Variants in MMP25 observed in about 807,000 individuals in gnomAD.
MMP25 encodes the protein matrix metallopeptidase 25, also known as matrix metalloproteinase-25.
In MMP25, 68 loss-of-function variants were observed where a neutral mutation model predicts 62.1. The ratio of observed to expected loss-of-function variants is 1.10; its 90% confidence interval spans 0.90 to 1.34. The LOEUF is 1.34. Ranked by LOEUF, MMP25 falls within the 40% of genes most tolerant of loss-of-function variation. The pLI is 0.00. For missense variants in MMP25, 942 were observed against 792.5 expected, an observed-to-expected ratio of 1.19 and a Z score of -2.26; for synonymous variants, 407 against 345.6, an observed-to-expected ratio of 1.18 and a Z score of -1.97.
At chr16:3,055,527 C>T (rs1238301741) in intron 4 of MMP25, among the ~76,000 whole-genome samples, 1 of 152,194 alleles carries the variant, frequency 6.6e-6, no homozygotes, top group Non-Finnish European at 1.5e-5. Flanking sequence ...TGGCCATCTA[C>T]CTTGAAGTCT....
In MMP25 at chr16:3,059,101, G is replaced by C; in HGVS notation, c.*3G>C. The stretch of plus-strand genomic sequence containing the variant: ...TGGGGGGTGTAGCCTCCCGCTGATG[G>C]GGGGAGCCATCCAGACCGAACAGCG... On this transcript the variant is annotated 3_prime_UTR_variant, in exon 10 of 10. Coordinates refer to ENST00000336577, the MANE Select transcript of MMP25 (RefSeq NM_022468.5). 2 of 1,538,352 alleles carry C rather than the reference G, an allele frequency of 1.3e-6. No individual in the cohort carries two copies. The highest frequency in any genetic ancestry group is 1.8e-6 in the Non-Finnish European group (2 of 1,139,532).
chr16:3,047,263 C>A, intron 1 of MMP25, 152 bp from the exon 2 acceptor site: 4 of 1,208,804 alleles, frequency 3.3e-6, no homozygotes, highest in Non-Finnish European at 4.5e-6. Context: ...GGGACTGAAG[C>A]GGGGACCTAT....
chr16:3,046,749 G>C lies in MMP25; in HGVS notation c.-169G>C, dbSNP rs961179104. 7 of 431,640 alleles carry C rather than the reference G, an allele frequency of 1.6e-5. No individual in the cohort carries two copies. The highest frequency in any genetic ancestry group is 2.8e-5 in the Non-Finnish European group (7 of 246,130). 26.7% of individuals were successfully genotyped at this position (431,640 alleles called of 1,614,324 possible). A position where few individuals can be genotyped will look rare whatever the true frequency, so the allele number is the denominator to read the frequency against. The stretch of plus-strand genomic sequence containing the variant: ...CGGGACCCTCCGCTGACTCCACCGC[G>C]CACTTCCCGGGACCCCCACACACAT... On this transcript the variant is annotated 5_prime_UTR_variant, in exon 1 of 10. Transcript: ENST00000336577.
At chr16:3,048,094 C>G (rs1368446209) in intron 2 of MMP25, among the ~76,000 whole-genome samples, 2 of 152,188 alleles carry the variant, frequency 1.3e-5, no homozygotes, top group African/African-American at 2.4e-5. Context: ...CGGCCTTGGC[C>G]TCCCAAAGTC....
At chr16:3,047,672 A>C in intron 2 of MMP25, 125 bp downstream of exon 2, 2 of 1,057,932 alleles carry the variant, frequency 1.9e-6, no homozygotes, top group Non-Finnish European at 2.7e-6. Context: ...CAGGCCCCAA[A>C]CCCAGAGGGC....
chr16:3,047,684 T>A, intron 2 of MMP25, 137 bp downstream of exon 2: 1 of 929,742 alleles, frequency 1.1e-6, no homozygotes. Flanking sequence ...CCAGAGGGCC[T>A]CAGGCGTTCA....
chr16:3,054,627 T>G (rs1955969879), intron 4 of MMP25: 1 of 140,212 alleles, frequency 7.1e-6, no homozygotes, highest in South Asian at 2.0e-4. Context: ...CAGGGATGAA[T>G]GGACAGATGC....
intron 7 of MMP25, chr16:3,057,946 T>C: frequency 5.1e-6 from 3 of 582,730 alleles, no homozygotes; most frequent in Non-Finnish European, 9.0e-6. Flanking sequence ...CAGGTGATTC[T>C]CCGGTGTCAG....
rs754076707 is a variant in MMP25 at position 3,057,297 on chromosome 16, T to C, written c.839-13T>C. 6.2e-7 allele frequency: 1 copy of C among 1,613,994 alleles called. No individual in the cohort carries two copies. The highest frequency in any genetic ancestry group is 8.5e-7 in the Non-Finnish European group (1 of 1,179,916). ...GCCAGGGGACGCACACCTGCCTGAC[T>C]CTTTCCTCACAGGGAAGGCGCCCCA... On this transcript the variant is annotated splice_polypyrimidine_tract_variant and intron_variant, in intron 5 of 9. Transcript: ENST00000336577.
At chr16:3,057,660 T>C in intron 7 of MMP25, 47 bp downstream of exon 7, 2 of 1,545,608 alleles carry the variant, frequency 1.3e-6, no homozygotes, top group Non-Finnish European at 1.8e-6. Flanking sequence ...CCTGCCCACT[T>C]CCAGTGACCC....
rs1265981319 is a variant in MMP25 at position 3,058,246 on chromosome 16, C to T, written c.1072C>T (p.Arg358Cys). The T allele has an allele frequency of 1.2e-6, 2 of 1,612,130 alleles. No homozygotes were observed. Among genetic ancestry groups the T allele is most frequent in the Non-Finnish European group, 1.7e-6 (2 of 1,179,398 alleles). ...GTCCCCGCGACCCGCACGGCTGCAC[C>T]GCTTCTGGGAGGGGCTGCCCGCCCA... The part of the protein sequence containing the change: ...LVSPRPARLH[R>C]FWEGLPAQVR... The change falls in exon 8 of 10, where the codon CGC becomes TGC. Residue 358 changes from arginine (R) to cysteine (C), a missense_variant. Arg to Cys is a radical substitution (Grantham distance 180). Transcript: ENST00000336577.
chr16:3,052,046 A>C (rs1955912149), intron 4 of MMP25: 1 of 152,096 alleles, frequency 6.6e-6, no homozygotes, highest in Non-Finnish European at 1.5e-5. Flanking sequence ...GAATCAGTTG[A>C]ATCCTGGAGG....
Position 3,046,778 on chromosome 16 carries a change from A to T in MMP25, c.-140A>T, listed in dbSNP as rs1423706961. On this transcript the variant is annotated 5_prime_UTR_variant, in exon 1 of 10. Transcript: ENST00000336577. ...TTCCCGGGACCCCCACACACATCCC[A>T]GCCCTCCGGCCGATCCCTCCCTACT... 2 of 476,738 alleles carry T rather than the reference A, an allele frequency of 4.2e-6. No homozygotes were observed. 29.5% of individuals were successfully genotyped at this position (476,738 alleles called of 1,614,324 possible). A position where few individuals can be genotyped will look rare whatever the true frequency, so the allele number is the denominator to read the frequency against.
chr16:3,049,092 G>C (rs1955862055), intron 2 of MMP25, among the ~76,000 whole-genome samples: 1 of 152,012 alleles, frequency 6.6e-6, no homozygotes, highest in African/African-American at 2.4e-5. Flanking sequence ...ACAGGCATGA[G>C]CCACCGTGCC....
Position 3,058,239 on chromosome 16 carries a change from G to A in MMP25, c.1065G>A (p.Arg355=). 6.2e-7 allele frequency: 1 copy of A among 1,612,108 alleles called. No homozygotes were observed. Among genetic ancestry groups the A allele is most frequent in the Non-Finnish European group, 8.5e-7 (1 of 1,179,348 alleles). ...AGCTGGTGTCCCCGCGACCCGCACG[G>A]CTGCACCGCTTCTGGGAGGGGCTGC... ...SGQLVSPRPA[R]LHRFWEGLPA... is the part of the protein sequence containing the mutation. Residue 355 remains arginine, a synonymous_variant, in exon 8 of 10, where the codon CGG becomes CGA. Transcript: ENST00000336577.
intron 4 of MMP25, chr16:3,054,670 ATGCATG>A (rs1955972019): frequency 7.2e-6 from 1 of 139,012 alleles, no homozygotes; most frequent in Non-Finnish European, 1.6e-5. Flanking sequence ...GTACGGACAG[ATGCATG>A]CACAGAGGTG....
In MMP25 at chr16:3,058,484, C is replaced by G. The variant is rs762914325; in HGVS notation, c.1232C>G (p.Pro411Arg). Residue 411 changes from proline to arginine, a missense_variant, in exon 9 of 10, where the codon CCC (proline) becomes CGC (arginine). Pro to Arg is a moderately radical substitution (Grantham distance 103, BLOSUM62 -2). Coordinates refer to ENST00000336577, the MANE Select transcript of MMP25 (RefSeq NM_022468.5). ...GARPLTELGL[P>R]PGEEVDAVFS... ...CGGCCGCTCACGGAGCTGGGGCTGC[C>G]CCCGGGAGAGGAGGTGGACGCCGTG... 1.3e-5 allele frequency: 21 copies of G among 1,607,774 alleles called. No homozygotes were observed. The highest frequency in any genetic ancestry group is 1.7e-5 in the Non-Finnish European group (20 of 1,178,112).
intron 4 of MMP25, among the ~76,000 whole-genome samples, chr16:3,055,567 G>T (rs1289587440): frequency 6.6e-6 from 1 of 152,194 alleles, no homozygotes; most frequent in Non-Finnish European, 1.5e-5. Context: ...TCTGTAAAAT[G>T]GGCATAGGAG....
Position 3,057,294 on chromosome 16 carries a change from G to C in MMP25, c.839-16G>C. The C allele has an allele frequency of 1.2e-6, 2 of 1,614,040 alleles. No homozygotes were observed. Among genetic ancestry groups the C allele is most frequent in the Non-Finnish European group, 1.7e-6 (2 of 1,179,966 alleles). On this transcript the variant is annotated splice_polypyrimidine_tract_variant and intron_variant, in intron 5 of 9. Transcript: ENST00000336577. Reference sequence around the variant, plus strand: ...AGGGCCAGGGGACGCACACCTGCCTGACTCTTTCCTCACAGGGAAGGCGCC... The same window carrying C: ...AGGGCCAGGGGACGCACACCTGCCTCACTCTTTCCTCACAGGGAAGGCGCC...
Sources: gnomAD v4.1 joint callset for allele counts (sites outside exome capture counted in the v4.1 genomes callset) on GRCh38, gnomAD v4.1.1 for gene constraint, MANE v1.5 for transcripts, NCBI Gene and HGNC (gene_info 2026-07-23, HGNC 2026-07-21) for gene names.